Variants in KAZN observed in about 807,000 individuals in gnomAD.
KAZN encodes kazrin.
KAZN carries 40 observed loss-of-function variants against 87.4 expected under a neutral mutation model. That is an observed-to-expected ratio of 0.46 (90% confidence interval 0.36 to 0.60). The LOEUF (loss-of-function observed/expected upper bound fraction) is 0.60. Among genes scored for constraint, KAZN ranks in the 20% least tolerant of loss-of-function variants. The pLI is 0.00. For missense variants in KAZN, 898 were observed against 1,073.9 expected (o/e 0.84, Z 2.29); for synonymous variants, 466 against 458.3 (o/e 1.02, Z -0.22).
chr1:13,935,995 A>T (rs1640720562), intron 1 of KAZN, among the ~76,000 whole-genome samples: 2 of 148,988 alleles, frequency 1.3e-5, no homozygotes, highest in Admixed American at 1.4e-4. Flanking sequence ...TGTATATATC[A>T]TTACATATCT....
intron 2 of KAZN, chr1:14,349,057 T>C (rs1273756218): frequency 6.6e-6 from 1 of 152,238 alleles, no homozygotes; most frequent in East Asian, 1.9e-4. Flanking sequence ...ACAAAAAGCA[T>C]GGTTCTACCC....
intron 1 of KAZN, among the ~76,000 whole-genome samples, chr1:14,080,849 A>G (rs1643649079): frequency 6.6e-6 from 1 of 152,172 alleles, no homozygotes; most frequent in South Asian, 2.1e-4. Context: ...TGACCCCCCC[A>G]GGGAAGTTTC....
intron 1 of KAZN, among the ~76,000 whole-genome samples, chr1:14,871,423 C>T (rs905231260): frequency 2.6e-5 from 4 of 152,074 alleles, no homozygotes; most frequent in African/African-American, 9.7e-5. Context: ...TGGGCTTCCT[C>T]TTCGAATAGG....
At chr1:14,860,279 C>G (rs1650685408) in intron 1 of KAZN, among the ~76,000 whole-genome samples, 1 of 152,114 alleles carries the variant, frequency 6.6e-6, no homozygotes, top group Non-Finnish European at 1.5e-5. Flanking sequence ...GCAACCTCCA[C>G]CTCCCAGGTT....
intron 2 of KAZN, among the ~76,000 whole-genome samples, chr1:14,540,716 G>T (rs550445317): frequency 6.6e-6 from 1 of 152,156 alleles, no homozygotes; most frequent in Admixed American, 6.5e-5. Flanking sequence ...TGCAATTTCT[G>T]GATGGGGAAA....
At chr1:14,171,649 AG>A in intron 1 of KAZN, among the ~76,000 whole-genome samples, 1 of 152,334 alleles carries the variant, frequency 6.6e-6, no homozygotes, top group Middle Eastern at 3.4e-3. Flanking sequence ...TTTGGTCATT[AG>A]TTCATATCTA....
chr1:14,193,594 G>A (rs1274021082), intron 2 of KAZN, among the ~76,000 whole-genome samples: 1 of 151,220 alleles, frequency 6.6e-6, no homozygotes, highest in Non-Finnish European at 1.5e-5. Flanking sequence ...CTACTTCCTT[G>A]TGTCAGCCAC....
At chr1:14,904,111 T>A (rs1415424420) in intron 1 of KAZN, among the ~76,000 whole-genome samples, 1 of 152,170 alleles carries the variant, frequency 6.6e-6, no homozygotes, top group Admixed American at 6.5e-5. Context: ...GTTAGCAGAC[T>A]CACGTTCCAA....
intron 1 of KAZN, among the ~76,000 whole-genome samples, chr1:14,044,774 A>C (rs1641990938): frequency 6.6e-6 from 1 of 152,226 alleles, no homozygotes; most frequent in Non-Finnish European, 1.5e-5. Flanking sequence ...AATTCTTTGC[A>C]ACTCCTCCTG....
chr1:14,172,328 G>A (rs1012171789), intron 1 of KAZN, among the ~76,000 whole-genome samples: 1 of 152,198 alleles, frequency 6.6e-6, no homozygotes, highest in African/African-American at 2.4e-5. Flanking sequence ...AGGATGATGG[G>A]GCAGAGGGAG....
intron 1 of KAZN, among the ~76,000 whole-genome samples, chr1:14,894,773 T>C (rs865855641): frequency 1.3e-5 from 2 of 152,384 alleles, no homozygotes; most frequent in Middle Eastern, 6.8e-3. Context: ...TGAATCTCCT[T>C]GCAGATTTCT....
chr1:14,148,377 T>C (rs759079735), intron 1 of KAZN, among the ~76,000 whole-genome samples: 2 of 152,230 alleles, frequency 1.3e-5, no homozygotes, highest in Non-Finnish European at 2.9e-5. Context: ...GAACTTTTTG[T>C]TTTACTTGCC....
chr1:15,040,774 TAA>T (rs76695641), intron 3 of KAZN, among the ~76,000 whole-genome samples: 1 of 142,372 alleles, frequency 7.0e-6, no homozygotes, highest in African/African-American at 2.6e-5. Context: ...TCAAAAAAGT[TAA>T]AAAAAAAAAA....
At chr1:14,376,754 T>C (rs1020923229) in intron 2 of KAZN, among the ~76,000 whole-genome samples, 1 of 152,148 alleles carries the variant, frequency 6.6e-6, no homozygotes, top group Non-Finnish European at 1.5e-5. Flanking sequence ...TGTGTTATGG[T>C]TAAATGGGAT....
chr1:15,099,065 C>T lies in KAZN; in HGVS notation c.1548-2478C>T, dbSNP rs545191653. Among the ~76,000 whole-genome samples, 16 of 152,234 alleles carry T rather than the reference C, an allele frequency of 1.1e-4. No individual in the cohort carries two copies. The highest frequency in any genetic ancestry group is 5.8e-4 in the East Asian group (3 of 5,162). ...CCAGCATGACATCTTGGAAGGCTTC[C>T]GGGAGACCAGACGTCTCTGCAGAGT... On this transcript the variant is annotated intron_variant, in intron 10 of 14. Coordinates refer to ENST00000376030, the MANE Select transcript of KAZN (RefSeq NM_201628.3). The surrounding 1 kb of genome is among the most constrained non-coding windows in gnomAD (Gnocchi z 5.4).
chr1:14,569,013 G>A (rs900945034), intron 2 of KAZN, among the ~76,000 whole-genome samples: 6 of 152,140 alleles, frequency 3.9e-5, no homozygotes, highest in East Asian at 1.9e-4. Flanking sequence ...CTCAATGAAC[G>A]TTTGCTGAAT....
intron 2 of KAZN, among the ~76,000 whole-genome samples, chr1:14,541,171 C>T (rs1409915915): frequency 2.0e-5 from 3 of 152,158 alleles, no homozygotes; most frequent in African/African-American, 7.2e-5. Context: ...TTCTGTCAAC[C>T]GATCTCACGG....
intron 1 of KAZN, among the ~76,000 whole-genome samples, chr1:14,076,411 A>G (rs757223283): frequency 8.5e-5 from 13 of 152,338 alleles, no homozygotes; most frequent in Non-Finnish European, 1.8e-4. Flanking sequence ...GAAGATTGCC[A>G]GAAGCTGGGG....
At chr1:14,510,736 CA>C (rs988130136) in intron 2 of KAZN, among the ~76,000 whole-genome samples, 3 of 152,086 alleles carry the variant, frequency 2.0e-5, no homozygotes, top group African/African-American at 4.8e-5. Context: ...CAATGTTGAT[CA>C]GGCAAAGGAT....
Sources: gnomAD v4.1 joint callset for allele counts (sites outside exome capture counted in the v4.1 genomes callset) on GRCh38, gnomAD v4.1.1 for gene constraint, Gnocchi (gnomAD v3.1) non-coding constraint, MANE v1.5 for transcripts, NCBI Gene and HGNC (gene_info 2026-07-23, HGNC 2026-07-21) for gene names.